Variants in SNAPC1 observed in about 807,000 individuals in gnomAD.
SNAPC1 encodes the protein snRNA-activating protein complex subunit 1.
Under a neutral mutation model 50.1 loss-of-function variants are expected in SNAPC1, and 42 were observed. The ratio of observed to expected loss-of-function variants is 0.84; its 90% CI spans 0.65 to 1.08. The LOEUF is 1.08. Among genes scored for constraint, SNAPC1 ranks in the 50% least tolerant of loss-of-function variants. The pLI is 0.00. For synonymous variants in SNAPC1, 164 were observed against 144.2 expected, an observed-to-expected ratio of 1.14 and a Z score of -0.98; for missense variants, 477 against 427.3, an observed-to-expected ratio of 1.12 and a Z score of -1.02.
intron 4 of SNAPC1, among the ~76,000 whole-genome samples, chr14:61,773,856 C>T (rs1008686883): frequency 4.0e-5 from 6 of 150,980 alleles, no homozygotes; most frequent in Admixed American, 6.6e-5. Context: ...AACAGGCACC[C>T]GCCACCATGC....
chr14:61,774,909 C>T (rs2045023562), intron 4 of SNAPC1, among the ~76,000 whole-genome samples: 1 of 151,954 alleles, frequency 6.6e-6, no homozygotes, highest in African/African-American at 2.4e-5. Context: ...GTGATCTGCC[C>T]ACCTTGGCCT....
At chr14:61,772,357 G>A (rs549537700) in intron 4 of SNAPC1, among the ~76,000 whole-genome samples, 14 of 152,222 alleles carry the variant, frequency 9.2e-5, no homozygotes, top group African/African-American at 3.1e-4. Flanking sequence ...CGATTCTCCT[G>A]CCTTAGCCTC....
chr14:61,788,215 A>T (rs1288595881), intron 8 of SNAPC1, among the ~76,000 whole-genome samples: 1 of 152,228 alleles, frequency 6.6e-6, no homozygotes, highest in Non-Finnish European at 1.5e-5. Context: ...ATAAAATGTG[A>T]TCTGAATTCA....
At chr14:61,767,189 CT>C in intron 2 of SNAPC1, 22 bp from the exon 3 acceptor site, 10 of 1,408,062 alleles carry the variant, frequency 7.1e-6, no homozygotes, top group South Asian at 3.8e-5. Flanking sequence ...TTTAGTACAA[CT>C]TTTTTTTCTT....
rs2045178734 is a variant in SNAPC1 at position 61,794,986 on chromosome 14, A to G, written c.*3A>G. Reference sequence around the variant, plus strand: ...CCAAGAAGAGGAGAAAACACTGAACAAAGAGCCTGGTGTAGTTTTTAATTT... The same window carrying G: ...CCAAGAAGAGGAGAAAACACTGAACGAAGAGCCTGGTGTAGTTTTTAATTT... On this transcript the variant is annotated 3_prime_UTR_variant, in exon 10 of 10. Transcript: ENST00000216294. 6.4e-7 allele frequency: 1 copy of G among 1,569,726 alleles called. No individual in the cohort carries two copies. Among genetic ancestry groups the G allele is most frequent in the Non-Finnish European group, 8.6e-7 (1 of 1,159,180 alleles).
chr14:61,775,773 T>TACATTACAATTGTACATTACATTACATC lies in SNAPC1; in HGVS notation c.535-319_535-318insTTACAATTGTACATTACATTACATCACA, dbSNP rs2045031139. Among the ~76,000 whole-genome samples the TACATTACAATTGTACATTACATTACATC allele has an allele frequency of 2.6e-5, 4 of 152,364 alleles. No individual in the cohort carries two copies. The South Asian group carries it at 8.3e-4, about 32-fold the overall frequency. On this transcript the variant is annotated intron_variant, in intron 4 of 9. Coordinates refer to ENST00000216294, the MANE Select transcript of SNAPC1 (RefSeq NM_003082.4). ...AGTGATATTTAATGATATGTCATGC[T>TACATTACAATTGTACATTACATTACATC]ACAAATAATTGTGATATTCTAGAAT...
In SNAPC1 at chr14:61,792,899, A is replaced by T; in HGVS notation, c.1069A>T (p.Thr357Ser). 6.3e-7 allele frequency: 1 copy of T among 1,575,354 alleles called. No homozygotes were observed. The highest frequency in any genetic ancestry group is 8.7e-7 in the Non-Finnish European group (1 of 1,153,320). ...EEEENESLSG[T>S]EFTASKKRRK... ...AGAAGAGAATGAAAGTTTGAGTGGA[A>T]CAGGTACAGATAAAATTTGGTCAAA... The change falls in exon 9 of 10, where the codon ACA becomes TCA. Residue 357 changes from threonine to serine, a missense_variant. By Grantham distance (58) the Thr-to-Ser change is moderately conservative. Transcript: ENST00000216294.
At chr14:61,769,643 C>T (rs1462699829) in intron 4 of SNAPC1, among the ~76,000 whole-genome samples, 1 of 151,992 alleles carries the variant, frequency 6.6e-6, no homozygotes, top group Non-Finnish European at 1.5e-5. Flanking sequence ...GTGATCTGCC[C>T]ACCTCTGTCT....
At chr14:61,788,261 A>G (rs1322040639) in intron 8 of SNAPC1, among the ~76,000 whole-genome samples, 2 of 152,232 alleles carry the variant, frequency 1.3e-5, no homozygotes, top group African/African-American at 4.8e-5. Context: ...CAGCTAAGGT[A>G]TTGTAAATAC....
chr14:61,781,108 G>T (rs1414442592), intron 7 of SNAPC1, among the ~76,000 whole-genome samples: 1 of 152,070 alleles, frequency 6.6e-6, no homozygotes, highest in Admixed American at 6.6e-5. Flanking sequence ...GGAAGTCCTG[G>T]AACTAATCCT....
intron 4 of SNAPC1, among the ~76,000 whole-genome samples, chr14:61,772,380 G>C (rs1278267679): frequency 6.6e-6 from 1 of 152,194 alleles, no homozygotes; most frequent in African/African-American, 2.4e-5. Context: ...GAATACCTGG[G>C]ATTACAGGCA....
chr14:61,764,830 ATTC>A (rs2044934969), intron 1 of SNAPC1, among the ~76,000 whole-genome samples: 2 of 152,176 alleles, frequency 1.3e-5, no homozygotes, highest in African/African-American at 4.8e-5. Context: ...GGCATTTTGT[ATTC>A]TTTTCCTATA....
chr14:61,767,291 C>A lies in SNAPC1; in HGVS notation c.368C>A (p.Ala123Asp). 6.5e-7 allele frequency: 1 copy of A among 1,528,112 alleles called. No homozygotes were observed. Among genetic ancestry groups the A allele is most frequent in the Non-Finnish European group, 8.8e-7 (1 of 1,136,610 alleles). The allele number at this position is 1,528,112 out of a possible 1,614,324, so 94.7% of individuals were successfully genotyped here. ...DLVNAQHFDA[A>D]YIFRKLRLDR... ...GTAAATGCACAGCATTTTGATGCAG[C>A]TTATATTTTTAGGAAGCTACGACTA... The change falls in exon 3 of 10, where the codon GCT becomes GAT. Residue 123 changes from alanine to aspartate, a missense_variant. Coordinates refer to ENST00000216294, the MANE Select transcript of SNAPC1 (RefSeq NM_003082.4).
intron 8 of SNAPC1, among the ~76,000 whole-genome samples, chr14:61,789,430 G>C (rs2045137322): frequency 6.6e-6 from 1 of 152,148 alleles, no homozygotes; most frequent in East Asian, 1.9e-4. Flanking sequence ...AAGAAATCTA[G>C]ATGTGTATGA....
At chr14:61,776,638 C>T (rs1382479693) in intron 5 of SNAPC1, among the ~76,000 whole-genome samples, 1 of 152,108 alleles carries the variant, frequency 6.6e-6, no homozygotes, top group African/African-American at 2.4e-5. Flanking sequence ...GAGTTAATTA[C>T]CAAATTTAAG....
At chr14:61,767,067 G>A (rs1274005934) in intron 2 of SNAPC1, 32 bp downstream of exon 2, 2 of 1,394,024 alleles carry the variant, frequency 1.4e-6, no homozygotes, top group East Asian at 2.4e-5. Flanking sequence ...TTCCTTAGCA[G>A]AAATGTAAAA....
intron 8 of SNAPC1, among the ~76,000 whole-genome samples, chr14:61,791,278 G>T (rs1292142168): frequency 6.6e-6 from 1 of 152,070 alleles, no homozygotes; most frequent in Non-Finnish European, 1.5e-5. Flanking sequence ...CTAAAGTGCT[G>T]GGATTACAGG....
chr14:61,769,965 T>G (rs1168147454), intron 4 of SNAPC1, among the ~76,000 whole-genome samples: 1 of 152,180 alleles, frequency 6.6e-6, no homozygotes, highest in Non-Finnish European at 1.5e-5. Context: ...GGGGACACTT[T>G]GGTCGTGCTT....
chr14:61,777,123 A>G (rs935280928), intron 5 of SNAPC1, among the ~76,000 whole-genome samples: 2 of 152,180 alleles, frequency 1.3e-5, no homozygotes, highest in Non-Finnish European at 2.9e-5. Context: ...TTATCTATAT[A>G]TTGTCCTTCA....
Sources: gnomAD v4.1 joint callset for allele counts (sites outside exome capture counted in the v4.1 genomes callset) on GRCh38, gnomAD v4.1.1 for gene constraint, MANE v1.5 for transcripts, NCBI Gene and HGNC (gene_info 2026-07-23, HGNC 2026-07-21) for gene names.